Variants in CCDC171 observed in about 807,000 individuals in gnomAD.
CCDC171 encodes coiled-coil domain-containing protein 171.
Under a neutral mutation model 168.2 loss-of-function variants are expected in CCDC171, and 177 were observed. That is an observed-to-expected ratio of 1.05 (90% CI 0.93 to 1.19). The LOEUF is 1.19. Ranked by LOEUF, CCDC171 falls within the 50% of genes most tolerant of loss-of-function variation. The probability of loss-of-function intolerance (pLI) is 0.00; values close to 1 mark genes in which losing one functional copy is unlikely to be tolerated. For synonymous variants in CCDC171, 687 were observed against 540.8 expected (o/e 1.27, Z -3.75); for missense variants, 1,991 against 1,539.0 (o/e 1.29, Z -4.91).
intron 3 of CCDC171, among the ~76,000 whole-genome samples, chr9:15,990,043 G>A (rs1832134460): frequency 6.6e-6 from 1 of 152,030 alleles, no homozygotes; most frequent in African/African-American, 2.4e-5. Flanking sequence ...ACCTAGCAAG[G>A]CAGGCCAACA....
At chr9:15,920,472 C>T (rs779528403) in intron 25 of CCDC171, 50 bp downstream of exon 25, 1 of 1,300,364 alleles carries the variant, frequency 7.7e-7, no homozygotes, top group Admixed American at 2.0e-5. Context: ...TCTTGGGTTA[C>T]ATTTACATTT....
At chr9:15,904,968 C>T (rs1241529015) in intron 24 of CCDC171, among the ~76,000 whole-genome samples, 5 of 152,044 alleles carry the variant, frequency 3.3e-5, no homozygotes, top group Non-Finnish European at 7.4e-5. Context: ...ACAAGAAGAG[C>T]TAACTATCCT....
intron 24 of CCDC171, chr9:15,883,106 G>A: frequency 2.5e-6 from 1 of 396,028 alleles, no homozygotes; most frequent in Non-Finnish European, 5.0e-6. Flanking sequence ...ATAGCTCACT[G>A]CAGTCTCAAA....
chr9:15,914,457 C>T (rs767189671), intron 24 of CCDC171, among the ~76,000 whole-genome samples: 14 of 152,104 alleles, frequency 9.2e-5, no homozygotes, highest in Non-Finnish European at 1.9e-4. Context: ...GAGGGGAAAA[C>T]CGCCTTCTCA....
intron 24 of CCDC171, among the ~76,000 whole-genome samples, chr9:15,895,830 C>G (rs539480680): frequency 1.6e-4 from 25 of 152,102 alleles, no homozygotes; most frequent in Non-Finnish European, 3.2e-4. Flanking sequence ...ATATGACAAG[C>G]ATTTTTCAGG....
chr9:15,902,347 T>C (rs1821822034), intron 24 of CCDC171, among the ~76,000 whole-genome samples: 2 of 151,904 alleles, frequency 1.3e-5, no homozygotes, highest in African/African-American at 2.4e-5. Context: ...TTTTGAACTT[T>C]TGTTACGAAT....
chr9:15,807,380 A>G (rs1351598136), intron 21 of CCDC171, among the ~76,000 whole-genome samples: 1 of 152,158 alleles, frequency 6.6e-6, no homozygotes, highest in African/African-American at 2.4e-5. Context: ...TGCTTCTTTT[A>G]TAGAGTATTG....
At chr9:16,021,013 G>C (rs1056074662) in intron 4 of CCDC171, among the ~76,000 whole-genome samples, 3 of 152,188 alleles carry the variant, frequency 2.0e-5, no homozygotes, top group African/African-American at 7.2e-5. Context: ...AAAGACAAAC[G>C]CAAGTATTGC....
At chr9:15,928,893 C>A (rs1055665940) in intron 25 of CCDC171, among the ~76,000 whole-genome samples, 21 of 151,580 alleles carry the variant, frequency 1.4e-4, no homozygotes, top group Admixed American at 9.9e-4. Context: ...GTTATTGGTG[C>A]ATATTCCAAT....
intron 10 of CCDC171, among the ~76,000 whole-genome samples, chr9:15,687,202 T>G (rs766127847): frequency 3.0e-4 from 46 of 152,168 alleles, no homozygotes; most frequent in Non-Finnish European, 3.2e-4. Flanking sequence ...GAAAACACTT[T>G]GAGATGAGTG....
At chr9:15,786,560 T>C (rs538229095) in intron 21 of CCDC171, among the ~76,000 whole-genome samples, 16 of 152,284 alleles carry the variant, frequency 1.1e-4, no homozygotes, top group Non-Finnish European at 1.9e-4. Flanking sequence ...AAGGATTTCT[T>C]TCTATGCTAA....
intron 7 of CCDC171, among the ~76,000 whole-genome samples, chr9:15,646,896 T>G (rs959820487): frequency 6.6e-6 from 1 of 152,158 alleles, no homozygotes; most frequent in African/African-American, 2.4e-5. Flanking sequence ...CTGCACCAAG[T>G]GGACCTAATA....
intron 19 of CCDC171, among the ~76,000 whole-genome samples, chr9:15,778,661 A>AAAAAAAAAAAAAAT: frequency 6.6e-6 from 1 of 150,590 alleles, no homozygotes; most frequent in South Asian, 2.1e-4. Flanking sequence ...AAAAAAAAAA[A>AAAAAAAAAAAAAAT]AAAAGGCATG....
chr9:15,908,507 G>T (rs548121077), intron 24 of CCDC171, among the ~76,000 whole-genome samples: 1 of 151,570 alleles, frequency 6.6e-6, no homozygotes, highest in Admixed American at 6.6e-5. Flanking sequence ...GCCTGTTGTC[G>T]GGTGGGGGGA....
intron 6 of CCDC171, among the ~76,000 whole-genome samples, chr9:16,029,739 T>C (rs1833336874): frequency 6.6e-6 from 1 of 152,136 alleles, no homozygotes; most frequent in Non-Finnish European, 1.5e-5. Flanking sequence ...GAGAAAGACT[T>C]GGGAACCAAA....
chr9:15,623,475 G>GCACACACCCACACA, intron 7 of CCDC171, 62 bp downstream of exon 7: 1 of 311,464 alleles, frequency 3.2e-6, no homozygotes, highest in Non-Finnish European at 5.9e-6. Flanking sequence ...GCGCGCGCGC[G>GCACACACCCACACA]CACACACACA....
At chr9:16,068,595 C>T in the CCDC171 span, among the ~76,000 whole-genome samples, 68 of 152,314 alleles carry the variant, frequency 4.5e-4, no homozygotes, top group African/African-American at 1.5e-3. Flanking sequence ...GCTGTTGTTT[C>T]GTCGTCTGTT....
chr9:15,866,495 G>C (rs539662968), intron 23 of CCDC171, among the ~76,000 whole-genome samples: 2 of 152,054 alleles, frequency 1.3e-5, no homozygotes, highest in South Asian at 4.1e-4. Flanking sequence ...ATGGGGCAAA[G>C]GACGCTGGGA....
chr9:15,709,782 A>G (rs2052520009), intron 11 of CCDC171, among the ~76,000 whole-genome samples: 1 of 152,218 alleles, frequency 6.6e-6, no homozygotes, highest in Non-Finnish European at 1.5e-5. Flanking sequence ...ACTTCAAAAA[A>G]GATAAGATCC....
Sources: gnomAD v4.1 joint callset for allele counts (sites outside exome capture counted in the v4.1 genomes callset) on GRCh38, gnomAD v4.1.1 for gene constraint, MANE v1.5 for transcripts, NCBI Gene and HGNC (gene_info 2026-07-23, HGNC 2026-07-21) for gene names.